PRKCA: variants seen among roughly 807,000 people sequenced by gnomAD.
PRKCA encodes protein kinase C alpha.
A neutral mutation model predicts 87.0 loss-of-function variants in PRKCA; 27 were observed. The observed-to-expected ratio is 0.31, with a 90% CI of 0.23 to 0.43. The LOEUF is 0.43. Among genes scored for constraint, PRKCA ranks in the 20% least tolerant of loss-of-function variants. PRKCA has a pLI of 1.00. For synonymous variants in PRKCA, 329 were observed against 311.1 expected (o/e 1.06, Z -0.61); for missense variants, 518 against 852.3 (o/e 0.61, Z 4.88).
At chr17:66,708,787 C>T (rs1422316688) in intron 8 of PRKCA, among the ~76,000 whole-genome samples, 2 of 152,178 alleles carry the variant, frequency 1.3e-5, no homozygotes, top group Non-Finnish European at 2.9e-5. Flanking sequence ...ATTAAATTTC[C>T]TCTAAGGCTC....
intron 4 of PRKCA, among the ~76,000 whole-genome samples, chr17:66,642,397 G>A (rs1971323853): frequency 6.6e-6 from 1 of 152,132 alleles, no homozygotes; most frequent in African/African-American, 2.4e-5. Context: ...CCAAAATGCT[G>A]GGATTATAGG....
intron 2 of PRKCA, among the ~76,000 whole-genome samples, chr17:66,359,992 T>G (rs1449486685): frequency 6.6e-6 from 1 of 152,210 alleles, no homozygotes; most frequent in Admixed American, 6.5e-5. Context: ...TTTAATATTC[T>G]CAAGGCCAAA....
At chr17:66,567,998 A>G (rs1968951599) in intron 3 of PRKCA, among the ~76,000 whole-genome samples, 1 of 152,188 alleles carries the variant, frequency 6.6e-6, no homozygotes, top group Non-Finnish European at 1.5e-5. Flanking sequence ...GAAAATGTTA[A>G]TACATTGGAC....
intron 2 of PRKCA, among the ~76,000 whole-genome samples, chr17:66,333,351 A>G (rs1906466667): frequency 1.3e-5 from 2 of 152,232 alleles, no homozygotes; most frequent in African/African-American, 4.8e-5. Context: ...AAAGAACTCA[A>G]TCTTTAACTC....
intron 2 of PRKCA, among the ~76,000 whole-genome samples, chr17:66,333,359 C>A (rs1906467016): frequency 1.3e-5 from 2 of 152,110 alleles, no homozygotes; most frequent in African/African-American, 4.8e-5. Flanking sequence ...CAATCTTTAA[C>A]TCATATTCTT....
intron 3 of PRKCA, 91 bp downstream of exon 3, chr17:66,496,374 T>G: frequency 9.1e-7 from 1 of 1,093,474 alleles, no homozygotes; most frequent in South Asian, 1.3e-5. Context: ...TTTTGGCACT[T>G]ACTGTTAATG....
intron 2 of PRKCA, among the ~76,000 whole-genome samples, chr17:66,452,939 C>T (rs150461390): frequency 8.5e-5 from 13 of 152,326 alleles, no homozygotes; most frequent in East Asian, 1.9e-4. Context: ...GTGTCTTAAC[C>T]GCAAGTGCCT....
At chr17:66,312,332 T>G (rs1485865505) in intron 2 of PRKCA, among the ~76,000 whole-genome samples, 2 of 152,192 alleles carry the variant, frequency 1.3e-5, no homozygotes, top group South Asian at 2.1e-4. Flanking sequence ...CTCCGAGTAT[T>G]TCACTCTCCT....
intron 2 of PRKCA, among the ~76,000 whole-genome samples, chr17:66,315,966 G>T (rs944388249): frequency 6.6e-6 from 1 of 152,160 alleles, no homozygotes; most frequent in Non-Finnish European, 1.5e-5. Flanking sequence ...TTACATCTTA[G>T]TCTGAATGAA....
chr17:66,586,979 G>A (rs1357982524), intron 3 of PRKCA, among the ~76,000 whole-genome samples: 1 of 152,100 alleles, frequency 6.6e-6, no homozygotes, highest in Non-Finnish European at 1.5e-5. Context: ...TTTTATTGCC[G>A]CCATGTTGCT....
chr17:66,542,334 T>G (rs912065421), intron 3 of PRKCA, among the ~76,000 whole-genome samples: 2 of 152,144 alleles, frequency 1.3e-5, no homozygotes, highest in African/African-American at 4.8e-5. Context: ...CTACTTGGCC[T>G]TAAGAGCTTC....
At chr17:66,718,526 T>C (rs770845652) in intron 8 of PRKCA, among the ~76,000 whole-genome samples, 10 of 152,182 alleles carry the variant, frequency 6.6e-5, no homozygotes, top group Non-Finnish European at 1.2e-4. Context: ...CTGTGTTGAC[T>C]AGGCTGTTCT....
At chr17:66,762,175 T>C (rs959523015) in intron 13 of PRKCA, among the ~76,000 whole-genome samples, 1 of 152,202 alleles carries the variant, frequency 6.6e-6, no homozygotes. Context: ...CAACAATCAT[T>C]TGAGTGTTTA....
intron 8 of PRKCA, among the ~76,000 whole-genome samples, chr17:66,703,161 T>C (rs932523285): frequency 1.3e-5 from 2 of 152,256 alleles, no homozygotes; most frequent in African/African-American, 2.4e-5. Context: ...TATTTTACTT[T>C]ATAAACTTTT....
intron 5 of PRKCA, among the ~76,000 whole-genome samples, chr17:66,672,790 A>C (rs1417297839): frequency 6.6e-6 from 1 of 152,204 alleles, no homozygotes; most frequent in East Asian, 1.9e-4. Context: ...TTCAAAGCAT[A>C]CTTTGTTATA....
In PRKCA at chr17:66,594,394, C is replaced by T. The variant is rs137938592; in HGVS notation, c.289-46961C>T. Among the ~76,000 whole-genome samples, 54 of 152,232 alleles carry T rather than the reference C, an allele frequency of 3.5e-4. 2 individuals carry two copies. The East Asian group carries it at 9.7e-3, about 27-fold the overall frequency. On this transcript the variant is annotated intron_variant, in intron 3 of 16. Coordinates refer to ENST00000413366, the MANE Select transcript of PRKCA (RefSeq NM_002737.3). ...CCCTGCTTGATGATGCTCAACAGAA[C>T]GAACAAAGCTGTAGATTACTTGTCC...
chr17:66,520,367 C>T (rs184311087), intron 3 of PRKCA, among the ~76,000 whole-genome samples: 153 of 152,044 alleles, frequency 1.0e-3, no homozygotes, highest in African/African-American at 3.5e-3. Context: ...GTGATCCACC[C>T]GCCTCGGCCT....
intron 2 of PRKCA, among the ~76,000 whole-genome samples, chr17:66,429,873 G>C (rs1257511331): frequency 6.6e-6 from 1 of 152,124 alleles, no homozygotes; most frequent in Non-Finnish European, 1.5e-5. Context: ...ATTGCTTTAA[G>C]ACCTTTTACT....
At chr17:66,337,569 A>G (rs1906780407) in intron 2 of PRKCA, among the ~76,000 whole-genome samples, 1 of 151,428 alleles carries the variant, frequency 6.6e-6, no homozygotes, top group Admixed American at 6.6e-5. Flanking sequence ...TTTTTTTTTA[A>G]GAGATGAGGT....
Sources: allele counts gnomAD v4.1 joint callset (sites outside exome capture counted in the v4.1 genomes callset), GRCh38; gene constraint gnomAD v4.1.1; transcripts MANE v1.5; gene names NCBI Gene and HGNC (gene_info 2026-07-23, HGNC 2026-07-21).